CADM2: variants seen among roughly 807,000 people sequenced by gnomAD.
The protein encoded by CADM2 is immunoglobulin superfamily member 4D.
Under a neutral mutation model 49.8 loss-of-function variants are expected in CADM2, and 12 were observed. That is an observed-to-expected ratio of 0.24 (90% CI 0.15 to 0.39). CADM2 has a LOEUF of 0.39. Ranked by LOEUF, CADM2 falls within the 10% of genes least tolerant of loss-of-function variation. CADM2 has a pLI of 1.00. For missense variants in CADM2, 378 were observed against 492.3 expected (o/e 0.77, Z 2.20); for synonymous variants, 214 against 175.4 (o/e 1.22, Z -1.74).
chr3:85,527,110 G>A (rs1657505823), intron 1 of CADM2, among the ~76,000 whole-genome samples: 2 of 152,184 alleles, frequency 1.3e-5, no homozygotes, highest in African/African-American at 4.8e-5. Flanking sequence ...TAGAGGCCAG[G>A]CACGGTGTCT....
chr3:84,975,578 A>G lies in CADM2; in HGVS notation c.61+15910A>G, dbSNP rs72917440. On this transcript the variant is annotated intron_variant, in intron 1 of 9. Coordinates refer to ENST00000383699, the MANE Select transcript of CADM2 (RefSeq NM_001167675.2). ...AGAATTGTAATTTTGCATACCTATCATTTTGAGTGGGGAAAGGTAATTTAT... is the reference window on the plus strand; with the variant it reads ...AGAATTGTAATTTTGCATACCTATCGTTTTGAGTGGGGAAAGGTAATTTAT... Among the ~76,000 whole-genome samples the G allele has an allele frequency of 4.7e-3, 715 of 151,922 alleles. 4 individuals carry two copies. Among genetic ancestry groups the G allele is most frequent in the African/African-American group, 0.017 (688 of 41,532 alleles).
intron 2 of CADM2, among the ~76,000 whole-genome samples, chr3:85,734,862 T>A (rs2068068945): frequency 6.6e-6 from 1 of 151,076 alleles, no homozygotes; most frequent in Non-Finnish European, 1.5e-5. Context: ...AAACTCTTAG[T>A]CATTTTCAGG....
At chr3:85,284,508 G>A (rs1464026618) in intron 1 of CADM2, among the ~76,000 whole-genome samples, 1 of 152,030 alleles carries the variant, frequency 6.6e-6, no homozygotes, top group Non-Finnish European at 1.5e-5. Flanking sequence ...ATTTCAAATA[G>A]TATGGTCAAG....
At chr3:85,518,399 C>A (rs116373131) in intron 1 of CADM2, among the ~76,000 whole-genome samples, 1 of 151,046 alleles carries the variant, frequency 6.6e-6, no homozygotes, top group Non-Finnish European at 1.5e-5. Context: ...TTCTTACCAA[C>A]ATTTCGTTTA....
intron 1 of CADM2, among the ~76,000 whole-genome samples, chr3:85,026,847 T>C (rs112864931): frequency 3.3e-5 from 5 of 152,224 alleles, no homozygotes; most frequent in Non-Finnish European, 7.4e-5. Context: ...ATCTGCTTGG[T>C]TGAAAATGGA....
intron 7 of CADM2, among the ~76,000 whole-genome samples, chr3:85,958,949 G>A (rs951927288): frequency 2.6e-5 from 4 of 151,434 alleles, no homozygotes; most frequent in African/African-American, 9.7e-5. Context: ...ATGGATGCAG[G>A]AAAACACCAT....
intron 8 of CADM2, among the ~76,000 whole-genome samples, chr3:85,973,120 T>A (rs1726345879): frequency 1.3e-5 from 2 of 151,762 alleles, no homozygotes; most frequent in Admixed American, 1.3e-4. Context: ...TAACCATGTA[T>A]AAGCTTCTGT....
At chr3:85,233,154 T>C (rs1191330987) in intron 1 of CADM2, among the ~76,000 whole-genome samples, 1 of 152,114 alleles carries the variant, frequency 6.6e-6, no homozygotes, top group Non-Finnish European at 1.5e-5. Context: ...CAAATTTCTG[T>C]GTGATTGTAA....
intron 1 of CADM2, among the ~76,000 whole-genome samples, chr3:85,360,118 T>C (rs1405943353): frequency 2.0e-5 from 3 of 152,002 alleles, no homozygotes; most frequent in African/African-American, 7.2e-5. Flanking sequence ...TAGAATGTCT[T>C]TGAATTTCTA....
intron 3 of CADM2, among the ~76,000 whole-genome samples, chr3:85,816,840 T>G (rs918189469): frequency 6.6e-4 from 100 of 152,338 alleles, no homozygotes; most frequent in African/African-American, 2.4e-3. Flanking sequence ...ATTAGCTACT[T>G]TTCAATGTAT....
intron 1 of CADM2, among the ~76,000 whole-genome samples, chr3:85,190,331 A>G (rs570207178): frequency 2.6e-5 from 4 of 152,018 alleles, no homozygotes; most frequent in African/African-American, 9.6e-5. Flanking sequence ...TTCCCCCCTT[A>G]ATAATCATAT....
At chr3:85,876,753 C>A (rs867674785) in intron 3 of CADM2, among the ~76,000 whole-genome samples, 17 of 152,068 alleles carry the variant, frequency 1.1e-4, no homozygotes, top group African/African-American at 4.1e-4. Context: ...AAATTGCTAG[C>A]AGGTTCTTGA....
intron 1 of CADM2, among the ~76,000 whole-genome samples, chr3:85,477,172 ATC>A (rs1272778152): frequency 1.3e-5 from 2 of 149,496 alleles, no homozygotes; most frequent in Admixed American, 6.8e-5. Context: ...TCAAAAAACC[ATC>A]TGTTTCTTTT....
At chr3:85,471,322 T>A (rs2038754368) in intron 1 of CADM2, among the ~76,000 whole-genome samples, 1 of 152,124 alleles carries the variant, frequency 6.6e-6, no homozygotes, top group Non-Finnish European at 1.5e-5. Flanking sequence ...GAAAACAAGA[T>A]GAAAGTGTTA....
intron 2 of CADM2, among the ~76,000 whole-genome samples, chr3:85,799,698 G>C (rs1388751284): frequency 6.6e-6 from 1 of 152,062 alleles, no homozygotes; most frequent in African/African-American, 2.4e-5. Context: ...TGTTTGCCTG[G>C]GTATTACCAG....
chr3:85,568,188 A>T (rs1007998249), intron 1 of CADM2, among the ~76,000 whole-genome samples: 5 of 152,192 alleles, frequency 3.3e-5, no homozygotes, highest in Admixed American at 1.3e-4. Flanking sequence ...TGTGGGCAGA[A>T]CCTGCGTTCT....
At chr3:85,189,242 A>T (rs2041144461) in intron 1 of CADM2, among the ~76,000 whole-genome samples, 1 of 151,996 alleles carries the variant, frequency 6.6e-6, no homozygotes, top group African/African-American at 2.4e-5. Context: ...ATTTCTTGTG[A>T]TTTGAAAGGA....
At chr3:85,653,953 G>A (rs141919206) in intron 1 of CADM2, among the ~76,000 whole-genome samples, 15 of 152,348 alleles carry the variant, frequency 9.8e-5, no homozygotes, top group African/African-American at 3.6e-4. Context: ...AATGATAAGG[G>A]AATGATGAAT....
chr3:85,348,441 G>C (rs2030992488), intron 1 of CADM2, among the ~76,000 whole-genome samples: 2 of 152,146 alleles, frequency 1.3e-5, no homozygotes, highest in Admixed American at 6.5e-5. Context: ...GCTCAGTCAA[G>C]TTACACATAA....
Sources: allele counts gnomAD v4.1 joint callset (sites outside exome capture counted in the v4.1 genomes callset), GRCh38; gene constraint gnomAD v4.1.1; transcripts MANE v1.5; gene names NCBI Gene and HGNC (gene_info 2026-07-23, HGNC 2026-07-21).